The following DHRSX variants were observed in gnomAD, a reference collection of about 807,000 sequenced individuals.
The protein encoded by DHRSX is polyprenol dehydrogenase.
Under a neutral mutation model 34.0 loss-of-function variants are expected in DHRSX, and 31 were observed. The ratio of observed to expected loss-of-function variants is 0.91; its 90% confidence interval spans 0.69 to 1.23. The LOEUF (loss-of-function observed/expected upper bound fraction) is 1.23, where lower values mean the gene tolerates loss of function less well. DHRSX is among the 50% of genes most tolerant of loss of function. The pLI is 0.00. For missense variants in DHRSX, 414 were observed against 428.1 expected (o/e 0.97, Z 0.29); for synonymous variants, 201 against 183.8 (o/e 1.09, Z -0.76).
chrX:2,317,279 T>C (rs1486245317), intron 3 of DHRSX, among the ~76,000 whole-genome samples: 1 of 134,744 alleles, frequency 7.4e-6, no homozygotes, highest in African/African-American at 2.9e-5. Flanking sequence ...TGAGACAGAG[T>C]CTTGCTGTGT....
At chrX:2,429,989 A>T (rs1249905031) in intron 1 of DHRSX, among the ~76,000 whole-genome samples, 1 of 152,196 alleles carries the variant, frequency 6.6e-6, no homozygotes, top group Non-Finnish European at 1.5e-5. Context: ...CAGGTTAAAA[A>T]GGTAGGGGAA....
At chrX:2,456,187 G>C (rs1034156911) in intron 1 of DHRSX, among the ~76,000 whole-genome samples, 1 of 152,108 alleles carries the variant, frequency 6.6e-6, no homozygotes, top group Non-Finnish European at 1.5e-5. Context: ...GACAATGTGC[G>C]GGACGCCAAA....
intron 3 of DHRSX, among the ~76,000 whole-genome samples, chrX:2,389,786 T>A (rs889184804): frequency 2.0e-4 from 31 of 152,322 alleles, no homozygotes; most frequent in Non-Finnish European, 4.0e-4. Context: ...ATTTTATTTT[T>A]TTTTTATTGT....
chrX:2,458,173 A>C (rs1157400978), intron 1 of DHRSX, among the ~76,000 whole-genome samples: 2 of 151,992 alleles, frequency 1.3e-5, no homozygotes, highest in Non-Finnish European at 2.9e-5. Context: ...GCATGTGGTC[A>C]AGAGACCAAC....
intron 1 of DHRSX, among the ~76,000 whole-genome samples, chrX:2,491,230 T>G (rs2045135236): frequency 6.6e-6 from 1 of 152,068 alleles, no homozygotes; most frequent in African/African-American, 2.4e-5. Context: ...CCATCACGCC[T>G]GGCTAATTTT....
At chrX:2,355,097 A>G (rs932520134) in intron 3 of DHRSX, among the ~76,000 whole-genome samples, 3 of 152,238 alleles carry the variant, frequency 2.0e-5, no homozygotes, top group African/African-American at 7.2e-5. Context: ...AATTATAGCA[A>G]GAAATAGGTT....
At chrX:2,452,238 C>T (rs2044231598) in intron 1 of DHRSX, among the ~76,000 whole-genome samples, 1 of 151,474 alleles carries the variant, frequency 6.6e-6, no homozygotes, top group African/African-American at 2.4e-5. Flanking sequence ...GGACTGCTGC[C>T]ATGTGCACAT....
rs2043177465 is a variant in DHRSX at position 2,379,321 on chromosome X, A to G, written c.286+29424T>C. ...TCTTCCTTCTACATGATAAGCCGGC[A>G]AAGTCCCTGTCCTTGATAACTGTGC... On this transcript the variant is annotated intron_variant, in intron 3 of 6. Coordinates refer to ENST00000334651, the MANE Select transcript of DHRSX (RefSeq NM_145177.3). Among the ~76,000 whole-genome samples, 4 of 152,358 alleles carry G rather than the reference A, an allele frequency of 2.6e-5. 1 individual carries two copies. Among genetic ancestry groups the G allele is most frequent in the Middle Eastern group, 6.8e-3 (2 of 294 alleles).
At chrX:2,339,629 A>C (rs2042615926) in intron 3 of DHRSX, among the ~76,000 whole-genome samples, 1 of 152,042 alleles carries the variant, frequency 6.6e-6, no homozygotes, top group Non-Finnish European at 1.5e-5. Context: ...TATCAGTGAC[A>C]ACAGACGATG....
chrX:2,409,973 C>A (rs1758746575), intron 2 of DHRSX, among the ~76,000 whole-genome samples: 1 of 152,036 alleles, frequency 6.6e-6, no homozygotes, highest in Non-Finnish European at 1.5e-5. Context: ...CTCAGGTGAT[C>A]CTCCCGCCTC....
chrX:2,392,887 A>G (rs2043352011), intron 3 of DHRSX, among the ~76,000 whole-genome samples: 1 of 136,606 alleles, frequency 7.3e-6, no homozygotes, highest in Non-Finnish European at 1.5e-5. Context: ...CACAAAATGT[A>G]TTGTGCATAT....
At chrX:2,385,586 G>A (rs3814296) in intron 3 of DHRSX, among the ~76,000 whole-genome samples, 35,739 of 151,914 alleles carry the variant, frequency 0.24, 5,445 homozygotes, top group Non-Finnish European at 0.35. Flanking sequence ...CCTGCATTCC[G>A]GCTGCTGTTA....
chrX:2,490,833 C>T, intron 1 of DHRSX: 1 of 1,436,528 alleles, frequency 7.0e-7, no homozygotes, highest in Non-Finnish European at 9.4e-7. Context: ...GGGAGCCCTG[C>T]CGGGGAGACA....
intron 1 of DHRSX, chrX:2,488,371 C>T (rs1005511527): frequency 6.2e-5 from 27 of 437,918 alleles, no homozygotes; most frequent in Middle Eastern, 5.8e-4. Context: ...GACGGGGTTT[C>T]GCCATGTTGG....
intron 4 of DHRSX, 68 bp downstream of exon 4, chrX:2,291,434 A>T: frequency 1.6e-6 from 2 of 1,233,716 alleles, no homozygotes; most frequent in South Asian, 2.5e-5. Context: ...CTTCTCCCGC[A>T]TGAAAGCTAG....
At chrX:2,396,375 CTTTTTTTT>C (rs1204243041) in intron 3 of DHRSX, among the ~76,000 whole-genome samples, 1 of 99,224 alleles carries the variant, frequency 1.0e-5, no homozygotes, top group South Asian at 3.6e-4. Flanking sequence ...CTTTCTTTTT[CTTTTTTTT>C]TTTTTTTTTT....
intron 3 of DHRSX, among the ~76,000 whole-genome samples, chrX:2,298,320 T>G (rs757489763): frequency 6.6e-6 from 1 of 150,544 alleles, no homozygotes; most frequent in East Asian, 1.9e-4. Flanking sequence ...TTTTGGTGTT[T>G]TTTTTTTTTT....
chrX:2,329,375 A>G (rs2042429275), intron 3 of DHRSX, among the ~76,000 whole-genome samples: 1 of 152,184 alleles, frequency 6.6e-6, no homozygotes, highest in Non-Finnish European at 1.5e-5. Context: ...GTGCGGTTCA[A>G]ACGCCATATT....
At chrX:2,273,971 G>A (rs1395588719) in intron 4 of DHRSX, among the ~76,000 whole-genome samples, 2 of 152,146 alleles carry the variant, frequency 1.3e-5, no homozygotes, top group Non-Finnish European at 2.9e-5. Context: ...CACGCGCAGG[G>A]GCCCTGGATG....
Sources: allele counts gnomAD v4.1 joint callset (sites outside exome capture counted in the v4.1 genomes callset), GRCh38; gene constraint gnomAD v4.1.1; transcripts MANE v1.5; gene names NCBI Gene and HGNC (gene_info 2026-07-23, HGNC 2026-07-21).